The following MYBPC1 variants were observed in gnomAD, a reference collection of about 807,000 sequenced individuals.
MYBPC1 encodes the protein myosin-binding protein C, slow-type.
MYBPC1 carries 52 observed loss-of-function variants against 147.1 expected under a neutral mutation model. The ratio of observed to expected loss-of-function variants is 0.35; its 90% CI spans 0.28 to 0.45. The LOEUF is 0.45. Ranked by LOEUF, MYBPC1 falls within the 20% of genes least tolerant of loss-of-function variation. The probability of loss-of-function intolerance (pLI) is 1.00; values close to 1 mark genes in which losing one functional copy is unlikely to be tolerated. For synonymous variants in MYBPC1, 477 were observed against 475.9 expected, an observed-to-expected ratio of 1.00 and a Z score of -0.03; for missense variants, 1,228 against 1,440.3, an observed-to-expected ratio of 0.85 and a Z score of 2.39.
At chr12:101,655,822 A>T (rs1895448704) in intron 18 of MYBPC1, among the ~76,000 whole-genome samples, 1 of 152,190 alleles carries the variant, frequency 6.6e-6, no homozygotes, top group African/African-American at 2.4e-5. Flanking sequence ...TATAGGTCAG[A>T]AACTCAGATC....
At chr12:101,615,191 C>A (rs909105971) in intron 2 of MYBPC1, among the ~76,000 whole-genome samples, 10 of 152,180 alleles carry the variant, frequency 6.6e-5, no homozygotes, top group African/African-American at 2.4e-4. Context: ...TGTCCACATA[C>A]ACCTAAAGAA....
chr12:101,626,449 T>C (rs892075139), intron 3 of MYBPC1, among the ~76,000 whole-genome samples: 4 of 152,206 alleles, frequency 2.6e-5, no homozygotes, highest in Non-Finnish European at 5.9e-5. Flanking sequence ...TCTCAGATAG[T>C]ACATATATAG....
At chr12:101,646,953 C>G in intron 13 of MYBPC1, 66 bp downstream of exon 13, 2 of 1,589,752 alleles carry the variant, frequency 1.3e-6, no homozygotes, top group South Asian at 2.2e-5. Flanking sequence ...GGATAATGAT[C>G]AAAGTGAAAG....
At chr12:101,628,332 T>C (rs914785743) in intron 5 of MYBPC1, among the ~76,000 whole-genome samples, 1 of 152,196 alleles carries the variant, frequency 6.6e-6, no homozygotes, top group Non-Finnish European at 1.5e-5. Flanking sequence ...ATCCTCATGT[T>C]CTAAATGTGC....
chr12:101,607,080 C>A (rs983507287), intron 1 of MYBPC1, among the ~76,000 whole-genome samples: 4 of 152,158 alleles, frequency 2.6e-5, no homozygotes, highest in African/African-American at 9.7e-5. Flanking sequence ...ATCTGCCCCC[C>A]AAAGTGCTGA....
chr12:101,650,041 A>G (rs1214877780), intron 15 of MYBPC1, among the ~76,000 whole-genome samples: 1 of 152,226 alleles, frequency 6.6e-6, no homozygotes, highest in East Asian at 1.9e-4. Context: ...CAGTTCATAT[A>G]ATCATTGAAT....
intron 1 of MYBPC1, among the ~76,000 whole-genome samples, chr12:101,606,549 C>A (rs1882276871): frequency 6.6e-6 from 1 of 151,220 alleles, no homozygotes; most frequent in Non-Finnish European, 1.5e-5. Flanking sequence ...AGCAAGCCAC[C>A]CACCCCAGTC....
chr12:101,649,345 G>C lies in MYBPC1; in HGVS notation c.1282G>C (p.Glu428Gln), dbSNP rs1219592240. The C allele has an allele frequency of 6.2e-7, 1 of 1,613,994 alleles. No homozygotes were observed. The change falls in exon 15 of 32, where the codon GAG becomes CAG. Residue 428 changes from glutamate (E) to glutamine (Q), a missense_variant. Glu to Gln is a conservative substitution (Grantham distance 29, BLOSUM62 2). This residue lies in a region of MYBPC1 where 1,077 missense variants were observed against 1,314.2 expected (regional missense o/e 0.82). Coordinates refer to ENST00000361466, the MANE Select transcript of MYBPC1 (RefSeq NM_002465.4). ...VEGKKHILII[E>Q]GATKADAAEY... ...GGGTAAAAAACACATCTTGATCATAGAGGGAGCAACAAAGGCTGATGCTGC... is the reference window on the plus strand; with the variant it reads ...GGGTAAAAAACACATCTTGATCATACAGGGAGCAACAAAGGCTGATGCTGC...
chr12:101,662,281 A>G, intron 20 of MYBPC1, 77 bp from the exon 21 acceptor site: 1 of 1,472,466 alleles, frequency 6.8e-7, no homozygotes, highest in Admixed American at 1.9e-5. Context: ...GCAAAATTTT[A>G]AGGACTTCTA....
intron 3 of MYBPC1, among the ~76,000 whole-genome samples, chr12:101,621,550 T>G (rs1258496327): frequency 6.6e-6 from 1 of 152,234 alleles, no homozygotes; most frequent in Admixed American, 6.5e-5. Context: ...CTGATTACTC[T>G]GCTTGAGGAA....
chr12:101,649,495 G>A, intron 15 of MYBPC1, 69 bp downstream of exon 15: 1 of 1,554,598 alleles, frequency 6.4e-7, no homozygotes, highest in Non-Finnish European at 8.9e-7. Flanking sequence ...TTCGGTTTCA[G>A]AAAAGTTTCT....
chr12:101,670,823 A>T (rs752675364), intron 24 of MYBPC1, among the ~76,000 whole-genome samples: 4 of 152,206 alleles, frequency 2.6e-5, no homozygotes, highest in African/African-American at 4.8e-5. Flanking sequence ...CAATGACCCC[A>T]AACCAAAATA....
Position 101,673,127 on chromosome 12 carries a change from C to A in MYBPC1, c.2614-300C>A, listed in dbSNP as rs117023934. ...CCAGCTGGGAGACCTGGTTCCAGTG[C>A]TTACCTAACTGCAGGACCTTGGACA... On this transcript the variant is annotated intron_variant, in intron 24 of 31. Coordinates refer to ENST00000361466, the MANE Select transcript of MYBPC1 (RefSeq NM_002465.4). Among the ~76,000 whole-genome samples the A allele has an allele frequency of 7.2e-5, 11 of 152,288 alleles. No individual in the cohort carries two copies. The East Asian group carries it at 2.1e-3, about 29-fold the overall frequency.
Position 101,678,183 on chromosome 12 carries a change from A to G in MYBPC1, c.3191A>G (p.Tyr1064Cys), listed in dbSNP as rs772433757. The stretch of plus-strand genomic sequence containing the variant: ...TTTACTCAGCCTTTGGTTAACACCT[A>G]TGCCATAGCTGGTTACAATGCCACC... ...PMFTQPLVNT[Y>C]AIAGYNATLN... The change falls in exon 28 of 32, where the codon TAT (tyrosine) becomes TGT (cysteine). Residue 1064 changes from tyrosine to cysteine, a missense_variant. By Grantham distance (194) the Tyr-to-Cys change is radical. Around this residue, in one of 2 missense-constraint regions of MYBPC1, gnomAD observed 1,077 missense variants for 1,314.2 expected, o/e 0.82. Coordinates refer to ENST00000361466, the MANE Select transcript of MYBPC1 (RefSeq NM_002465.4). 13 of 1,614,016 alleles carry G rather than the reference A, an allele frequency of 8.1e-6. No individual in the cohort carries two copies. The East Asian group carries it at 1.6e-4, about 19-fold the overall frequency.
At chr12:101,640,732 C>T (rs192304433) in intron 10 of MYBPC1, among the ~76,000 whole-genome samples, 1 of 152,252 alleles carries the variant, frequency 6.6e-6, no homozygotes, top group East Asian at 1.9e-4. Flanking sequence ...TGCCTAATGC[C>T]ACCCTAAACT....
intron 20 of MYBPC1, 137 bp downstream of exon 20, chr12:101,661,399 A>C (rs1896525446): frequency 1.5e-6 from 1 of 659,016 alleles, no homozygotes; most frequent in Middle Eastern, 2.9e-4. Context: ...TTCAAAATGA[A>C]ATATATATGT....
At chr12:101,657,740 T>G (rs1167003306) in intron 18 of MYBPC1, among the ~76,000 whole-genome samples, 1 of 152,190 alleles carries the variant, frequency 6.6e-6, no homozygotes, top group Non-Finnish European at 1.5e-5. Flanking sequence ...CCCAATGGGT[T>G]TGTTGGTAAA....
rs775234378 is a variant in MYBPC1, at chr12:101,673,512, A to G, written c.2699A>G (p.Asp900Gly). ...NQINIRNSET[D>G]TIIFIRKAER... Reference sequence around the variant, plus strand: ...ATAAACATTCGCAACTCTGAGACTGATACAATCATATTTATTAGAAAAGCA... The same window carrying G: ...ATAAACATTCGCAACTCTGAGACTGGTACAATCATATTTATTAGAAAAGCA... Residue 900 changes from aspartate (D) to glycine (G), a missense_variant, in exon 25 of 32, where the codon GAT becomes GGT. Physicochemically the swap from Asp to Gly is moderately conservative, Grantham distance 94. Transcript: ENST00000361466. The G allele has an allele frequency of 1.1e-5, 18 of 1,614,006 alleles. No homozygotes were observed. The highest frequency in any genetic ancestry group is 1.5e-5 in the Non-Finnish European group (18 of 1,179,994).
At chr12:101,689,953 T>A (rs1200104167), downstream of MYBPC1, among the ~76,000 whole-genome samples, 3 of 152,198 alleles carry the variant, frequency 2.0e-5, no homozygotes, top group African/African-American at 7.2e-5. Flanking sequence ...GGCAGGTGGA[T>A]CACCTGAGGT....
Sources: gnomAD v4.1 joint callset for allele counts (sites outside exome capture counted in the v4.1 genomes callset) on GRCh38, gnomAD v4.1.1 for gene constraint, gnomAD v4.1.1 regional missense constraint, MANE v1.5 for transcripts, NCBI Gene and HGNC (gene_info 2026-07-23, HGNC 2026-07-21) for gene names.